LTBP1: variants seen among roughly 807,000 people sequenced by gnomAD.
LTBP1 encodes latent transforming growth factor beta binding protein 1.
Under a neutral mutation model 207.6 loss-of-function variants are expected in LTBP1, and 129 were observed. That is an observed-to-expected ratio of 0.62 (90% CI 0.54 to 0.72). LTBP1 has a LOEUF of 0.72. LTBP1 is among the 30% of genes least tolerant of loss of function. LTBP1 has a pLI of 0.00. For synonymous variants in LTBP1, 963 were observed against 833.7 expected (o/e 1.16, Z -2.67); for missense variants, 2,281 against 2,217.2 (o/e 1.03, Z -0.58).
At chr2:33,279,949 C>T in intron 18 of LTBP1, 90 bp from the exon 19 acceptor site, 6 of 1,389,334 alleles carry the variant, frequency 4.3e-6, no homozygotes, top group Non-Finnish European at 6.0e-6. Context: ...GTAGATATAA[C>T]ATGCTTTCCC....
At chr2:33,178,178 A>T (rs1304840811) in intron 5 of LTBP1, among the ~76,000 whole-genome samples, 1 of 152,224 alleles carries the variant, frequency 6.6e-6, no homozygotes, top group Non-Finnish European at 1.5e-5. Context: ...GTGTTTCTGC[A>T]GCCAACAAAT....
intron 24 of LTBP1, among the ~76,000 whole-genome samples, chr2:33,324,252 C>T (rs2094396130): frequency 6.6e-6 from 1 of 151,216 alleles, no homozygotes; most frequent in South Asian, 2.1e-4. Flanking sequence ...ACTTTTGTTA[C>T]AGTATATTGT....
At chr2:33,144,362 G>A (rs2082859402) in intron 5 of LTBP1, among the ~76,000 whole-genome samples, 1 of 152,074 alleles carries the variant, frequency 6.6e-6, no homozygotes, top group Non-Finnish European at 1.5e-5. Context: ...AATATCATAT[G>A]GCCAAGACAA....
chr2:33,175,973 G>T (rs1184665429), intron 5 of LTBP1, among the ~76,000 whole-genome samples: 1 of 127,866 alleles, frequency 7.8e-6, no homozygotes, highest in South Asian at 2.5e-4. Context: ...CATGGACACA[G>T]GAAGGGGAAC....
chr2:32,979,214 T>G (rs7598914), intron 2 of LTBP1, among the ~76,000 whole-genome samples: 6,013 of 151,856 alleles, frequency 0.04, 402 homozygotes, highest in African/African-American at 0.14. Context: ...GCTCTGATCT[T>G]TATTATTTCT....
chr2:33,202,036 C>CACACAG lies in LTBP1; in HGVS notation c.1701+13190_1701+13191insGACACA, dbSNP rs925015295. ...CTTAGCACTGGAACACACACACACA[C>CACACAG]ACACACACACACACACACACACACA... On this transcript the variant is annotated intron_variant, in intron 7 of 33. Transcript: ENST00000404816. 6.1e-3 allele frequency among the ~76,000 whole-genome samples: 926 copies of CACACAG among 151,330 alleles called. 8 individuals are homozygous for CACACAG. Among genetic ancestry groups the CACACAG allele is most frequent in the African/African-American group, 0.022 (887 of 41,136 alleles).
At position 33,252,706 on chromosome 2, in the gene LTBP1, G is replaced by A; in HGVS notation, c.2029G>A (p.Gly677Arg). 6.2e-7 allele frequency: 1 copy of A among 1,613,006 alleles called. No homozygotes were observed. ...PDPPVISEEK[G>R]PCYRLVSSGR... is the part of the protein sequence containing the mutation. ...TCCCCCTGTGATCTCGGAAGAGAAAGGGCCCTGTTACCGACTTGTCAGTTC... is the reference window on the plus strand; with the variant it reads ...TCCCCCTGTGATCTCGGAAGAGAAAAGGCCCTGTTACCGACTTGTCAGTTC... The change falls in exon 11 of 34, where the codon GGG becomes AGG. Residue 677 changes from glycine (G) to arginine (R), a missense_variant. Coordinates refer to ENST00000404816, the MANE Select transcript of LTBP1 (RefSeq NM_206943.4).
At chr2:33,199,915 C>G (rs1249772977) in intron 7 of LTBP1, among the ~76,000 whole-genome samples, 1 of 152,122 alleles carries the variant, frequency 6.6e-6, no homozygotes. Flanking sequence ...ATCCAACTTA[C>G]AAAGGATGTG....
intron 31 of LTBP1, among the ~76,000 whole-genome samples, chr2:33,368,589 T>C (rs79839530): frequency 1.5e-3 from 231 of 152,352 alleles, no homozygotes; most frequent in African/African-American, 4.8e-3. Flanking sequence ...ATTTATGATA[T>C]TATTCTGGCT....
intron 7 of LTBP1, among the ~76,000 whole-genome samples, chr2:33,193,899 G>C (rs540566662): frequency 6.6e-6 from 1 of 152,242 alleles, no homozygotes; most frequent in South Asian, 2.1e-4. Context: ...CAACAATATT[G>C]AAATTAGGCT....
At chr2:33,123,733 A>C (rs2081279387) in intron 4 of LTBP1, among the ~76,000 whole-genome samples, 1 of 152,192 alleles carries the variant, frequency 6.6e-6, no homozygotes, top group Non-Finnish European at 1.5e-5. Context: ...CAAAGACATG[A>C]GGTAAGTTCC....
chr2:33,235,413 G>A (rs914699585), intron 9 of LTBP1, among the ~76,000 whole-genome samples: 8 of 152,138 alleles, frequency 5.3e-5, no homozygotes, highest in African/African-American at 1.9e-4. Context: ...GATGCTGGTG[G>A]AGAGGATATG....
chr2:33,012,286 C>G (rs1295674361), intron 2 of LTBP1, among the ~76,000 whole-genome samples: 3 of 152,142 alleles, frequency 2.0e-5, no homozygotes, highest in Non-Finnish European at 2.9e-5. Flanking sequence ...GTGGGGGGGG[C>G]TTCACACTCA....
chr2:33,124,728 TG>T (rs2081337603), intron 4 of LTBP1, among the ~76,000 whole-genome samples: 2 of 152,266 alleles, frequency 1.3e-5, no homozygotes, highest in South Asian at 4.1e-4. Flanking sequence ...CAGTTAAAAC[TG>T]ACCATGTGTA....
intron 4 of LTBP1, among the ~76,000 whole-genome samples, chr2:33,125,676 C>T (rs2081393988): frequency 6.6e-6 from 1 of 151,792 alleles, no homozygotes; most frequent in Non-Finnish European, 1.5e-5. Context: ...ACTAAAAATA[C>T]AAAAATTAGC....
chr2:33,062,775 G>A lies in LTBP1; in HGVS notation c.863+41569G>A, dbSNP rs72793716. On this transcript the variant is annotated intron_variant, in intron 3 of 33. Coordinates refer to ENST00000404816, the MANE Select transcript of LTBP1 (RefSeq NM_206943.4). Reference sequence around the variant, plus strand: ...CAAAACCCTCTATGCTATGATTTTCGTATCTGATAACCAAGATAGCTACTA... The same window carrying A: ...CAAAACCCTCTATGCTATGATTTTCATATCTGATAACCAAGATAGCTACTA... Among the ~76,000 whole-genome samples the A allele has an allele frequency of 1.6e-4, 25 of 152,106 alleles. No homozygotes were observed. The South Asian group carries it at 3.3e-3, about 20-fold the overall frequency.
In LTBP1 at chr2:32,991,437, A is replaced by G. The variant is rs181407720; in HGVS notation, c.566-29472A>G. On this transcript the variant is annotated intron_variant, in intron 2 of 33. Coordinates refer to ENST00000404816, the MANE Select transcript of LTBP1 (RefSeq NM_206943.4). The stretch of plus-strand genomic sequence containing the variant: ...TAATTGCTGTCTGAACTATCTAAAT[A>G]TAAAGCTAGCTTTGGACAGGTTTGG... Among the ~76,000 whole-genome samples the G allele has an allele frequency of 3.6e-3, 546 of 152,376 alleles. 1 individual carries two copies. Among genetic ancestry groups the G allele is most frequent in the Non-Finnish European group, 4.7e-3 (323 of 68,040 alleles).
intron 2 of LTBP1, among the ~76,000 whole-genome samples, chr2:32,966,659 GGTT>G (rs546766655): frequency 7.2e-4 from 110 of 152,158 alleles, no homozygotes; most frequent in African/African-American, 2.6e-3. Context: ...TTCTTCTTTA[GGTT>G]GTTGATGTGA....
chr2:33,046,839 G>A (rs1194629416), intron 3 of LTBP1, among the ~76,000 whole-genome samples: 1 of 152,096 alleles, frequency 6.6e-6, no homozygotes, highest in Non-Finnish European at 1.5e-5. Context: ...GTTTAGTCTT[G>A]GGAGGGTGTA....
Sources: gnomAD v4.1 joint callset for allele counts (sites outside exome capture counted in the v4.1 genomes callset) on GRCh38, gnomAD v4.1.1 for gene constraint, MANE v1.5 for transcripts, NCBI Gene and HGNC (gene_info 2026-07-23, HGNC 2026-07-21) for gene names.